Variants in PAX2 observed in about 807,000 individuals in gnomAD.
PAX2 encodes the protein paired box protein Pax-2.
In PAX2, 9 loss-of-function variants were observed where a neutral mutation model predicts 41.7. That is an observed-to-expected ratio of 0.22 (90% CI 0.13 to 0.38). The LOEUF (loss-of-function observed/expected upper bound fraction) is 0.38, where lower values mean the gene tolerates loss of function less well. Ranked by LOEUF, PAX2 falls within the 10% of genes least tolerant of loss-of-function variation. PAX2 has a pLI of 1.00. For missense variants in PAX2, 418 were observed against 531.6 expected (o/e 0.79, Z 2.10); for synonymous variants, 221 against 212.7 (o/e 1.04, Z -0.34).
chr10:100,798,128 T>TTTC lies in PAX2; in HGVS notation c.617-8302_617-8301insTTC, dbSNP rs1309620611. On this transcript the variant is annotated intron_variant, in intron 5 of 9. Coordinates refer to ENST00000355243, the MANE Select transcript of PAX2 (RefSeq NM_000278.5). The stretch of plus-strand genomic sequence containing the variant: ...TCTTTTTTTTTTTTTTTTTTTTTTT[T>TTTC]AGACAGGGTCAGGGTCTCACTCTGT... Among the ~76,000 whole-genome samples, 26 of 108,980 alleles carry TTTC rather than the reference T, an allele frequency of 2.4e-4. 2 individuals are homozygous for TTTC. Among genetic ancestry groups the TTTC allele is most frequent in the Non-Finnish European group, 3.3e-4 (17 of 51,290 alleles). The allele number at this position is 108,980 out of a possible 152,430, so 71.5% of individuals were successfully genotyped here.
chr10:100,795,041 C>G (rs1198645720), intron 5 of PAX2, among the ~76,000 whole-genome samples: 1 of 152,158 alleles, frequency 6.6e-6, no homozygotes, highest in South Asian at 2.1e-4. Flanking sequence ...CATGGCCCAC[C>G]AATGGGGACC....
At position 100,827,556 on chromosome 10, in the gene PAX2, T is replaced by G. The variant is rs752860479; in HGVS notation, c.1122T>G (p.Tyr374Ter). The change falls in exon 10 of 10, where the codon TAT becomes TAG. Residue 374 changes from tyrosine (Y) to a stop codon, truncating the protein, a stop_gained. Transcript: ENST00000355243. LOFTEE classifies it high-confidence loss of function. This position sits in a 1 kb window ranked among gnomAD's most constrained non-coding sequence, Gnocchi z 8.5. ...GTTAACTTCCAGGTTCCCCTTATTATTATAGTGCCGCCCCCCGGGGCTCCG... is the reference window on the plus strand; with the variant it reads ...GTTAACTTCCAGGTTCCCCTTATTAGTATAGTGCCGCCCCCCGGGGCTCCG... ...SNPALLSSPY[Y>*]YSAAPRGSAP... 6.2e-7 allele frequency: 1 copy of G among 1,613,936 alleles called. No individual in the cohort carries two copies. Among genetic ancestry groups the G allele is most frequent in the Non-Finnish European group, 8.5e-7 (1 of 1,179,792 alleles).
At chr10:100,757,013 T>C (rs531618198) in intron 3 of PAX2, among the ~76,000 whole-genome samples, 1 of 152,324 alleles carries the variant, frequency 6.6e-6, no homozygotes, top group East Asian at 1.9e-4. Flanking sequence ...TCACGTTTGG[T>C]TTTTCTATCT....
intron 7 of PAX2, among the ~76,000 whole-genome samples, chr10:100,814,013 A>G (rs1178712852): frequency 6.6e-6 from 1 of 152,230 alleles, no homozygotes; most frequent in East Asian, 1.9e-4. Flanking sequence ...ACAATAGAAT[A>G]ATCCAAAAGT....
chr10:100,759,655 C>G (rs757992230), intron 3 of PAX2, among the ~76,000 whole-genome samples: 1 of 152,190 alleles, frequency 6.6e-6, no homozygotes, highest in Non-Finnish European at 1.5e-5. Context: ...AGGGACAGGA[C>G]CGGTGGCTCC....
chr10:100,785,927 C>T (rs1235999183), intron 5 of PAX2, among the ~76,000 whole-genome samples: 1 of 152,162 alleles, frequency 6.6e-6, no homozygotes, highest in Admixed American at 6.5e-5. Context: ...CAATCTTCTC[C>T]TCTGTAAAAT....
chr10:100,827,626 C>T lies in PAX2; in HGVS notation c.*7C>T. Reference sequence around the variant, plus strand: ...TGCCTATGACCGCCACTAGTTACCGCGGGGACCACATCAAGCTTCAGGCCG... The same window carrying T: ...TGCCTATGACCGCCACTAGTTACCGTGGGGACCACATCAAGCTTCAGGCCG... On this transcript the variant is annotated 3_prime_UTR_variant, in exon 10 of 10. Coordinates refer to ENST00000355243, the MANE Select transcript of PAX2 (RefSeq NM_000278.5). The surrounding 1 kb of genome is among the most constrained non-coding windows in gnomAD (Gnocchi z 8.5). The T allele has an allele frequency of 1.2e-6, 2 of 1,614,008 alleles. No individual in the cohort carries two copies. Among genetic ancestry groups the T allele is most frequent in the Non-Finnish European group, 1.7e-6 (2 of 1,179,948 alleles).
intron 5 of PAX2, among the ~76,000 whole-genome samples, chr10:100,795,727 G>A (rs143614769): frequency 7.9e-5 from 12 of 152,252 alleles, no homozygotes; most frequent in African/African-American, 2.4e-4. Flanking sequence ...CTTTCTTTGT[G>A]ACATCTCAGG....
At position 100,820,989 on chromosome 10, in the gene PAX2, C is replaced by T. The variant is rs934937072; in HGVS notation, c.920-3659C>T. ...ATAAAGGAGGTGCTGTGCTGTTGTA[C>T]AGTTTTAGAGTCTGTCTGCACTCAT... On this transcript the variant is annotated intron_variant, in intron 7 of 9. Coordinates refer to ENST00000355243, the MANE Select transcript of PAX2 (RefSeq NM_000278.5). Among the ~76,000 whole-genome samples the T allele has an allele frequency of 3.9e-5, 6 of 152,142 alleles. No homozygotes were observed. The East Asian group carries it at 1.2e-3, about 29-fold the overall frequency.
chr10:100,750,632 T>C lies in PAX2; in HGVS notation c.213-62T>C, dbSNP rs999853075. On this transcript the variant is annotated intron_variant, in intron 2 of 9. Coordinates refer to ENST00000355243, the MANE Select transcript of PAX2 (RefSeq NM_000278.5). This position sits in a 1 kb window ranked among gnomAD's most constrained non-coding sequence, Gnocchi z 4.1. ...AGAGTGGCTCAGCAGCTCTGGAACC[T>C]GCAGCCCCCCTGCCCCGCCACAGTC... 1.6e-5 allele frequency: 23 copies of C among 1,449,644 alleles called. No homozygotes were observed. The highest frequency in any genetic ancestry group is 2.2e-5 in the Non-Finnish European group (23 of 1,037,160). The allele number at this position is 1,449,644 out of a possible 1,614,324, so 89.8% of individuals were successfully genotyped here.
chr10:100,824,353 T>TACAGATACAC lies in PAX2; in HGVS notation c.920-292_920-291insGATACACACA, dbSNP rs780728141. Among the ~76,000 whole-genome samples, 6 of 135,574 alleles carry TACAGATACAC rather than the reference T, an allele frequency of 4.4e-5. No homozygotes were observed. The East Asian group carries it at 1.4e-3, about 31-fold the overall frequency. 88.9% of individuals were successfully genotyped at this position (135,574 alleles called of 152,430 possible). A position where few individuals can be genotyped will look rare whatever the true frequency, so the allele number is the denominator to read the frequency against. On this transcript the variant is annotated intron_variant, in intron 7 of 9. Coordinates refer to ENST00000355243, the MANE Select transcript of PAX2 (RefSeq NM_000278.5). The surrounding 1 kb of genome is among the most constrained non-coding windows in gnomAD (Gnocchi z 6.6). ...GCACAGAGACACAGGCAAAGGCAGATACACACACACACACACACACACACA... is the reference window on the plus strand; with the variant it reads ...GCACAGAGACACAGGCAAAGGCAGATACAGATACACACACACACACACACACACACACACA...
intron 3 of PAX2, among the ~76,000 whole-genome samples, chr10:100,758,836 C>G (rs1010222566): frequency 6.6e-6 from 1 of 152,244 alleles, no homozygotes; most frequent in African/African-American, 2.4e-5. Flanking sequence ...CAGTAACATC[C>G]ACGCAAGTGG....
At chr10:100,760,985 G>C (rs1294720869) in intron 3 of PAX2, among the ~76,000 whole-genome samples, 1 of 152,190 alleles carries the variant, frequency 6.6e-6, no homozygotes. Context: ...GTGTGACTGG[G>C]GTTGGGACTC....
chr10:100,773,365 C>T (rs113389981), intron 3 of PAX2, among the ~76,000 whole-genome samples: 46 of 152,242 alleles, frequency 3.0e-4, no homozygotes, highest in African/African-American at 1.1e-3. Context: ...TGCCACCTCA[C>T]TCCTCCCAAG....
At chr10:100,739,518 C>T (rs1455037101) in intron 1 of PAX2, among the ~76,000 whole-genome samples, 1 of 152,142 alleles carries the variant, frequency 6.6e-6, no homozygotes, top group Non-Finnish European at 1.5e-5. Context: ...CGCGGGTCCT[C>T]CCGCCCCTCT....
At chr10:100,747,592 C>T (rs887072285) in intron 1 of PAX2, 36 of 983,528 alleles carry the variant, frequency 3.7e-5, no homozygotes, top group Non-Finnish European at 4.3e-5. Flanking sequence ...CGGCTTGGAC[C>T]TGTGTTTAGG....
intron 3 of PAX2, among the ~76,000 whole-genome samples, chr10:100,769,406 T>G (rs1404438284): frequency 6.6e-6 from 1 of 152,002 alleles, no homozygotes; most frequent in Non-Finnish European, 1.5e-5. Flanking sequence ...GGTGGGAGGA[T>G]TACTTGAGGT....
chr10:100,766,424 A>G (rs189435135), intron 3 of PAX2, among the ~76,000 whole-genome samples: 3 of 152,190 alleles, frequency 2.0e-5, no homozygotes, highest in Admixed American at 2.0e-4. Flanking sequence ...CACAGAGTAG[A>G]GTGGAATGGG....
At chr10:100,820,017 T>G (rs1238430425) in intron 7 of PAX2, among the ~76,000 whole-genome samples, 1 of 152,240 alleles carries the variant, frequency 6.6e-6, no homozygotes, top group Non-Finnish European at 1.5e-5. Context: ...GTACAGTGCT[T>G]TGAACACTTC....
Sources: allele counts gnomAD v4.1 joint callset (sites outside exome capture counted in the v4.1 genomes callset), GRCh38; gene constraint gnomAD v4.1.1; non-coding constraint Gnocchi (gnomAD v3.1); transcripts MANE v1.5; gene names NCBI Gene and HGNC (gene_info 2026-07-23, HGNC 2026-07-21).